The following MYT1L variants were observed in gnomAD, a reference collection of about 807,000 sequenced individuals.
The protein encoded by MYT1L is myelin transcription factor 1-like protein.
A neutral mutation model predicts 126.7 loss-of-function variants in MYT1L; 12 were observed. The observed-to-expected ratio is 0.09, with a 90% confidence interval of 0.06 to 0.15. The LOEUF (loss-of-function observed/expected upper bound fraction) is 0.15, where lower values mean the gene tolerates loss of function less well. MYT1L is among the 10% of genes least tolerant of loss of function. The pLI is 1.00. For missense variants in MYT1L, 979 were observed against 1,585.2 expected (o/e 0.62, Z 6.49); for synonymous variants, 541 against 604.2 (o/e 0.90, Z 1.53).
At chr2:1,892,355 G>T in intron 14 of MYT1L, 68 bp from the exon 15 acceptor site, 1 of 1,502,844 alleles carries the variant, frequency 6.7e-7, no homozygotes, top group Non-Finnish European at 8.9e-7. Flanking sequence ...GCACACGGCA[G>T]GGCCTGCCCG....
In MYT1L at chr2:2,273,796, C is replaced by A. The variant is rs554714523; in HGVS notation, c.-421+10608G>T. On this transcript the variant is annotated intron_variant, in intron 2 of 24. Coordinates refer to ENST00000647738, the MANE Select transcript of MYT1L (RefSeq NM_001303052.2). ...GGAAAAACACCAGAAAAGTCAATTG[C>A]TGTTTACATGTCCAAAGGTGAGGCA... Among the ~76,000 whole-genome samples, 5 of 152,318 alleles carry A rather than the reference C, an allele frequency of 3.3e-5. No homozygotes were observed. In the East Asian group the frequency reaches 9.6e-4, roughly 29 times the overall value.
chr2:2,287,507 G>A (rs1183251459), intron 1 of MYT1L, among the ~76,000 whole-genome samples: 1 of 152,086 alleles, frequency 6.6e-6, no homozygotes, highest in Non-Finnish European at 1.5e-5. Flanking sequence ...GTCAGTCCCA[G>A]TCTTTTTTAA....
intron 4 of MYT1L, among the ~76,000 whole-genome samples, chr2:2,042,478 G>A (rs544793880): frequency 2.0e-5 from 3 of 152,016 alleles, no homozygotes; most frequent in African/African-American, 4.8e-5. Flanking sequence ...GCTCAAAGTC[G>A]CAATGCTATG....
chr2:2,051,317 A>G (rs1157914685), intron 4 of MYT1L, among the ~76,000 whole-genome samples: 1 of 152,200 alleles, frequency 6.6e-6, no homozygotes, highest in Non-Finnish European at 1.5e-5. Flanking sequence ...CTAATAAACT[A>G]ATCTTTAAAG....
rs1412827368 is a variant in MYT1L at position 1,912,122 on chromosome 2, G to A, written c.1619-12C>T. On this transcript the variant is annotated splice_polypyrimidine_tract_variant and intron_variant, in intron 11 of 24. Coordinates refer to ENST00000647738, the MANE Select transcript of MYT1L (RefSeq NM_001303052.2). The surrounding 1 kb of genome is among the most constrained non-coding windows in gnomAD (Gnocchi z 4.3). ...ATGCATGGCAAGGACTTGACAGGGAGAGGCAAAGAGAACAGCCAGTGTTAA... is the reference window on the plus strand; with the variant it reads ...ATGCATGGCAAGGACTTGACAGGGAAAGGCAAAGAGAACAGCCAGTGTTAA... 2.6e-6 allele frequency: 4 copies of A among 1,556,572 alleles called. No homozygotes were observed. The highest frequency in any genetic ancestry group is 1.4e-5 in the African/African-American group (1 of 73,988).
At chr2:1,918,778 A>T (rs914150133) in intron 10 of MYT1L, among the ~76,000 whole-genome samples, 1 of 152,226 alleles carries the variant, frequency 6.6e-6, no homozygotes, top group African/African-American at 2.4e-5. Flanking sequence ...CATTATGTCA[A>T]GAAGAATCTT....
intron 3 of MYT1L, among the ~76,000 whole-genome samples, chr2:2,141,441 C>T (rs562613671): frequency 6.6e-6 from 1 of 152,296 alleles, no homozygotes; most frequent in East Asian, 1.9e-4. Context: ...ATTCCCTTTT[C>T]CCATCTCTAT....
intron 2 of MYT1L, among the ~76,000 whole-genome samples, chr2:2,259,902 C>T (rs2094919868): frequency 6.6e-6 from 1 of 152,216 alleles, no homozygotes; most frequent in Admixed American, 6.5e-5. Flanking sequence ...GCCAGGGGTT[C>T]TGTGAAGACA....
At chr2:1,799,646 G>GC (rs1241083896) in intron 23 of MYT1L, among the ~76,000 whole-genome samples, 3 of 152,242 alleles carry the variant, frequency 2.0e-5, no homozygotes, top group Non-Finnish European at 4.4e-5. Flanking sequence ...ATCAGAGAGT[G>GC]CCCCAAAAGG....
At chr2:2,220,473 T>C (rs1451558603) in intron 2 of MYT1L, among the ~76,000 whole-genome samples, 2 of 152,154 alleles carry the variant, frequency 1.3e-5, no homozygotes, top group South Asian at 2.1e-4. Flanking sequence ...TGAAGTCTCA[T>C]AGTGGCTGCC....
At chr2:1,981,420 T>C (rs2060600648) in intron 5 of MYT1L, among the ~76,000 whole-genome samples, 1 of 152,010 alleles carries the variant, frequency 6.6e-6, no homozygotes, top group Non-Finnish European at 1.5e-5. Context: ...GAATTGTTTG[T>C]GTAGGTGTGA....
rs190635468 is a variant in MYT1L, at chr2:1,912,572, T to G, written c.1619-462A>C. Among the ~76,000 whole-genome samples the G allele has an allele frequency of 8.6e-4, 131 of 152,306 alleles. No homozygotes were observed. Among genetic ancestry groups the G allele is most frequent in the Non-Finnish European group, 5.9e-5 (4 of 68,026 alleles). ...GGATTTTAAAAACATGCCTGTGCTT[T>G]GGAAACACACAGCATTATGAACGTG... On this transcript the variant is annotated intron_variant, in intron 11 of 24. Transcript: ENST00000647738. The surrounding 1 kb of genome is among the most constrained non-coding windows in gnomAD (Gnocchi z 4.3).
At chr2:2,245,736 G>A (rs1485818079) in intron 2 of MYT1L, among the ~76,000 whole-genome samples, 1 of 152,106 alleles carries the variant, frequency 6.6e-6, no homozygotes, top group Non-Finnish European at 1.5e-5. Flanking sequence ...CCCAGCGCAT[G>A]CTTTCACATA....
At chr2:1,821,065 T>C (rs913056603) in intron 21 of MYT1L, among the ~76,000 whole-genome samples, 7 of 152,182 alleles carry the variant, frequency 4.6e-5, no homozygotes, top group Admixed American at 1.3e-4. Flanking sequence ...CAGTTCCTTG[T>C]GATGAACCCG....
In MYT1L at chr2:1,912,888, T is replaced by C. The variant is rs369611437; in HGVS notation, c.1619-778A>G. Among the ~76,000 whole-genome samples the C allele has an allele frequency of 5.9e-5, 9 of 152,236 alleles. No homozygotes were observed. Among genetic ancestry groups the C allele is most frequent in the East Asian group, 3.9e-4 (2 of 5,156 alleles). ...TTGTGTCTTCCTTCTTTTCTGGTCC[T>C]TCATGAACGCTCTACTACTCTGGGT... On this transcript the variant is annotated intron_variant, in intron 11 of 24. Coordinates refer to ENST00000647738, the MANE Select transcript of MYT1L (RefSeq NM_001303052.2). The surrounding 1 kb of genome is among the most constrained non-coding windows in gnomAD (Gnocchi z 4.3).
chr2:2,266,251 C>T (rs1179707147), intron 2 of MYT1L, among the ~76,000 whole-genome samples: 3 of 152,218 alleles, frequency 2.0e-5, no homozygotes, highest in Non-Finnish European at 4.4e-5. Context: ...CTAAGATCTA[C>T]CGGACTTCAC....
At chr2:2,263,331 G>A (rs767329968) in intron 2 of MYT1L, among the ~76,000 whole-genome samples, 16 of 151,920 alleles carry the variant, frequency 1.1e-4, no homozygotes, top group Non-Finnish European at 2.4e-4. Context: ...GGTTAACGAC[G>A]CCCTCTGCTT....
chr2:2,270,906 G>C (rs2095250661), intron 2 of MYT1L, among the ~76,000 whole-genome samples: 2 of 151,880 alleles, frequency 1.3e-5, no homozygotes, highest in African/African-American at 4.8e-5. Context: ...GCTGACTCTT[G>C]TTTCATTTCT....
intron 18 of MYT1L, among the ~76,000 whole-genome samples, chr2:1,855,868 A>T (rs1005795703): frequency 6.6e-5 from 10 of 151,118 alleles, no homozygotes; most frequent in Admixed American, 2.0e-4. Flanking sequence ...AATAAAAAAT[A>T]AAAAAAAAGG....
Sources: gnomAD v4.1 joint callset for allele counts (sites outside exome capture counted in the v4.1 genomes callset) on GRCh38, gnomAD v4.1.1 for gene constraint, Gnocchi (gnomAD v3.1) non-coding constraint, MANE v1.5 for transcripts, NCBI Gene and HGNC (gene_info 2026-07-23, HGNC 2026-07-21) for gene names.